Variants in MSN observed in about 807,000 individuals in gnomAD.
MSN encodes the protein epididymis luminal protein 70.
MSN carries 2 observed loss-of-function variants against 48.0 expected under a neutral mutation model. The ratio of observed to expected loss-of-function variants is 0.04; its 90% confidence interval spans 0.02 to 0.13. MSN has a LOEUF of 0.13. Ranked by LOEUF, MSN falls within the 10% of genes least tolerant of loss-of-function variation. The probability of loss-of-function intolerance (pLI) is 1.00; values close to 1 mark genes in which losing one functional copy is unlikely to be tolerated. For missense variants in MSN, 267 were observed against 470.1 expected (o/e 0.57, Z 3.99); for synonymous variants, 146 against 166.9 (o/e 0.87, Z 0.97).
chrX:65,667,963 G>A, intron 1 of MSN, 110 bp downstream of exon 1: 3 of 898,977 alleles, frequency 3.3e-6, no homozygotes, highest in Non-Finnish European at 1.6e-6. Context: ...GGGACGCCGC[G>A]CCCTCCGCCA....
chrX:65,619,815 C>T (rs6418385), intron 1 of MSN, among the ~76,000 whole-genome samples: 20,600 of 106,960 alleles, frequency 0.19, 6,272 homozygotes, highest in African/African-American at 0.74. Context: ...TCTTCTGTTC[C>T]GTTTTTTCCC....
chrX:65,724,122 C>T (rs140840403), intron 2 of MSN, among the ~76,000 whole-genome samples: 1,165 of 108,163 alleles, frequency 0.011, 14 homozygotes, highest in African/African-American at 0.037. Context: ...ACTTTAGTCA[C>T]CATGATCCTT....
chrX:65,619,822 T>C (rs2070416967), intron 1 of MSN, among the ~76,000 whole-genome samples: 1 of 108,929 alleles, frequency 9.2e-6, no homozygotes, highest in African/African-American at 3.6e-5. Flanking sequence ...TTCCGTTTTT[T>C]CCCCATCTTT....
chrX:65,677,574 A>G (rs2071012663), intron 1 of MSN, among the ~76,000 whole-genome samples: 1 of 110,689 alleles, frequency 9.0e-6, no homozygotes, highest in Non-Finnish European at 1.9e-5. Context: ...CCTGGCCAAT[A>G]TGGTGAAACC....
At chrX:65,711,323 G>A (rs1213595019) in intron 1 of MSN, among the ~76,000 whole-genome samples, 1 of 111,221 alleles carries the variant, frequency 9.0e-6, no homozygotes, top group African/African-American at 3.3e-5. Context: ...GCCTCCCAAA[G>A]TGCTGGGATT....
intron 1 of MSN, among the ~76,000 whole-genome samples, chrX:65,705,391 T>A (rs961677789): frequency 1.6e-4 from 18 of 110,983 alleles, no homozygotes; most frequent in African/African-American, 5.2e-4. Flanking sequence ...GAAGGAGAGA[T>A]GAGTTGGGGC....
At chrX:65,602,715 A>G (rs1427902042) in intron 1 of MSN, among the ~76,000 whole-genome samples, 1 of 112,276 alleles carries the variant, frequency 8.9e-6, no homozygotes, top group African/African-American at 3.2e-5. Context: ...CTTTATTGAC[A>G]AAATGAAGAT....
At chrX:65,705,058 A>G (rs1038700943) in intron 1 of MSN, among the ~76,000 whole-genome samples, 2 of 111,050 alleles carry the variant, frequency 1.8e-5, no homozygotes, top group African/African-American at 6.6e-5. Context: ...AGTGTGAGCC[A>G]CCGCGCCCAG....
chrX:65,736,239 A>G (rs2071674363), intron 8 of MSN, among the ~76,000 whole-genome samples: 1 of 111,205 alleles, frequency 9.0e-6, no homozygotes, highest in Non-Finnish European at 1.9e-5. Flanking sequence ...AAGGTCACCC[A>G]GTGGGTTGGT....
chrX:65,706,708 G>A (rs1027045694), intron 1 of MSN, among the ~76,000 whole-genome samples: 2 of 112,059 alleles, frequency 1.8e-5, no homozygotes, highest in Non-Finnish European at 3.8e-5. Flanking sequence ...CAGAAGACCC[G>A]CCTCCACTAC....
chrX:65,660,551 C>T (rs2070814141), intron 1 of MSN, among the ~76,000 whole-genome samples: 1 of 108,920 alleles, frequency 9.2e-6, no homozygotes, highest in Non-Finnish European at 1.9e-5. Context: ...AATGGGCATC[C>T]TTGTCTTGTT....
chrX:65,686,474 C>T (rs1200601525), intron 1 of MSN, among the ~76,000 whole-genome samples: 1 of 112,912 alleles, frequency 8.9e-6, no homozygotes, highest in African/African-American at 3.2e-5. Flanking sequence ...CCTGCACACT[C>T]TTAGTGATTG....
intron 1 of MSN, among the ~76,000 whole-genome samples, chrX:65,595,582 G>A (rs1022142162): frequency 8.9e-6 from 1 of 111,949 alleles, no homozygotes; most frequent in Non-Finnish European, 1.9e-5. Flanking sequence ...GGTTGCTACA[G>A]CAAGTGGTCT....
chrX:65,612,840 C>T (rs1293387199), intron 1 of MSN, among the ~76,000 whole-genome samples: 1 of 102,744 alleles, frequency 9.7e-6, no homozygotes, highest in Admixed American at 1.0e-4. Flanking sequence ...AGCCACTGCA[C>T]CCGAACCATG....
intron 1 of MSN, among the ~76,000 whole-genome samples, chrX:65,615,915 T>A (rs1430798727): frequency 9.0e-6 from 1 of 111,240 alleles, no homozygotes; most frequent in South Asian, 3.8e-4. Flanking sequence ...GTTTCAGCTT[T>A]CTACATATGG....
At chrX:65,726,498 G>T (rs1007506727) in intron 2 of MSN, among the ~76,000 whole-genome samples, 1 of 111,065 alleles carries the variant, frequency 9.0e-6, no homozygotes. Context: ...TTTTCTTTGG[G>T]GTCTCTGAAG....
chrX:65,706,109 C>A (rs1015665546), intron 1 of MSN, among the ~76,000 whole-genome samples: 2 of 111,347 alleles, frequency 1.8e-5, no homozygotes, highest in Non-Finnish European at 3.8e-5. Context: ...AGCAGAATGG[C>A]CCCTAGGCTA....
intron 1 of MSN, among the ~76,000 whole-genome samples, chrX:65,621,158 G>T (rs188110919): frequency 9.0e-6 from 1 of 111,014 alleles, no homozygotes; most frequent in Non-Finnish European, 1.9e-5. Flanking sequence ...CTTGTGATCC[G>T]CCCACCTCGG....
At chrX:65,615,014 T>A (rs2070356032) in intron 1 of MSN, among the ~76,000 whole-genome samples, 1 of 100,551 alleles carries the variant, frequency 9.9e-6, no homozygotes, top group Non-Finnish European at 2.0e-5. Context: ...TTCATCCATG[T>A]CCCTACAAAG....
Sources: allele counts gnomAD v4.1 joint callset (sites outside exome capture counted in the v4.1 genomes callset), GRCh38; gene constraint gnomAD v4.1.1; transcripts MANE v1.5; gene names NCBI Gene and HGNC (gene_info 2026-07-23, HGNC 2026-07-21).